Variants in GABRB1 observed in about 807,000 individuals in gnomAD.
GABRB1 encodes the protein gamma-aminobutyric acid type A receptor subunit beta1, also known as gamma-aminobutyric acid receptor subunit beta-1.
Under a neutral mutation model 51.6 loss-of-function variants are expected in GABRB1, and 17 were observed. That is an observed-to-expected ratio of 0.33 (90% CI 0.23 to 0.49). The LOEUF (loss-of-function observed/expected upper bound fraction) is 0.49, where lower values mean the gene tolerates loss of function less well. GABRB1 is among the 20% of genes least tolerant of loss of function. GABRB1 has a pLI of 0.99. For synonymous variants in GABRB1, 247 were observed against 218.9 expected, an observed-to-expected ratio of 1.13 and a Z score of -1.14; for missense variants, 410 against 600.6, an observed-to-expected ratio of 0.68 and a Z score of 3.32.
chr4:47,361,781 C>A (rs1726814866), intron 5 of GABRB1, among the ~76,000 whole-genome samples: 1 of 152,094 alleles, frequency 6.6e-6, no homozygotes, highest in African/African-American at 2.4e-5. Flanking sequence ...AATGGTGCAA[C>A]TTTGTTGATG....
chr4:47,139,725 T>C (rs1219774478), intron 3 of GABRB1, among the ~76,000 whole-genome samples: 1 of 152,038 alleles, frequency 6.6e-6, no homozygotes, highest in South Asian at 2.1e-4. Flanking sequence ...TTCTAAATTC[T>C]CTACTGTAGT....
chr4:47,251,080 G>T (rs1421839594), intron 4 of GABRB1, among the ~76,000 whole-genome samples: 2 of 152,158 alleles, frequency 1.3e-5, no homozygotes, highest in East Asian at 3.9e-4. Context: ...GGTAGGCTGT[G>T]TGAGAGGGAA....
chr4:47,335,823 C>A (rs184577796), intron 5 of GABRB1, among the ~76,000 whole-genome samples: 46 of 152,130 alleles, frequency 3.0e-4, no homozygotes, highest in African/African-American at 1.1e-3. Flanking sequence ...GTTCACATGC[C>A]ACGAAGACCA....
intron 4 of GABRB1, among the ~76,000 whole-genome samples, chr4:47,249,730 G>A (rs1189942074): frequency 6.6e-6 from 1 of 152,052 alleles, no homozygotes; most frequent in Non-Finnish European, 1.5e-5. Context: ...TGTTTTGTCT[G>A]ATACAAGAAT....
chr4:47,370,159 A>C (rs1308761248), intron 5 of GABRB1, among the ~76,000 whole-genome samples: 1 of 152,192 alleles, frequency 6.6e-6, no homozygotes, highest in Non-Finnish European at 1.5e-5. Flanking sequence ...GGCTGTTTAT[A>C]ATTTGGTTTA....
chr4:47,180,661 A>G (rs1486984378), intron 4 of GABRB1, among the ~76,000 whole-genome samples: 1 of 152,060 alleles, frequency 6.6e-6, no homozygotes, highest in Non-Finnish European at 1.5e-5. Context: ...TTCTAAATGT[A>G]GTACTAAGTC....
upstream of GABRB1, among the ~76,000 whole-genome samples, chr4:47,030,535 C>G (rs1453163092): frequency 1.3e-5 from 2 of 152,040 alleles, no homozygotes; most frequent in Non-Finnish European, 2.9e-5. Context: ...GGACAAGAAC[C>G]CTTTTTGAAT....
chr4:47,282,584 G>A (rs189874226), intron 4 of GABRB1, among the ~76,000 whole-genome samples: 230 of 152,078 alleles, frequency 1.5e-3, no homozygotes, highest in Non-Finnish European at 2.4e-3. Context: ...CAGTAATCTA[G>A]TTCAGTATTG....
chr4:47,041,186 G>T (rs558656903), intron 3 of GABRB1, among the ~76,000 whole-genome samples: 1 of 152,186 alleles, frequency 6.6e-6, no homozygotes, highest in African/African-American at 2.4e-5. Flanking sequence ...CTTGAGAAAT[G>T]AAGCTTACCT....
chr4:47,338,727 C>T (rs1388548000), intron 5 of GABRB1, among the ~76,000 whole-genome samples: 1 of 152,196 alleles, frequency 6.6e-6, no homozygotes, highest in Non-Finnish European at 1.5e-5. Flanking sequence ...GATTGCTCAG[C>T]CCGCTTGGTA....
intron 5 of GABRB1, among the ~76,000 whole-genome samples, chr4:47,373,758 T>G (rs183492558): frequency 6.6e-6 from 1 of 152,298 alleles, no homozygotes; most frequent in East Asian, 1.9e-4. Flanking sequence ...AGGCCTGGGC[T>G]CTGACGTCAA....
At chr4:47,389,008 C>A (rs1033587903) in intron 5 of GABRB1, among the ~76,000 whole-genome samples, 1 of 152,166 alleles carries the variant, frequency 6.6e-6, no homozygotes, top group Non-Finnish European at 1.5e-5. Flanking sequence ...AACACACTCA[C>A]CCATCCAAAC....
chr4:47,276,207 A>G (rs904147544), intron 4 of GABRB1, among the ~76,000 whole-genome samples: 2 of 152,168 alleles, frequency 1.3e-5, no homozygotes, highest in African/African-American at 4.8e-5. Flanking sequence ...ATGCTAGCTA[A>G]CGTAACCTCT....
chr4:47,303,265 T>A (rs912517877), intron 4 of GABRB1, among the ~76,000 whole-genome samples: 5 of 151,852 alleles, frequency 3.3e-5, no homozygotes, highest in African/African-American at 1.2e-4. Flanking sequence ...TCTACACAAA[T>A]GGAAATAAAC....
At chr4:47,157,070 T>C (rs1717740615) in intron 3 of GABRB1, among the ~76,000 whole-genome samples, 1 of 152,144 alleles carries the variant, frequency 6.6e-6, no homozygotes, top group Non-Finnish European at 1.5e-5. Flanking sequence ...TCAAATTCTG[T>C]CATGCCTGAA....
intron 3 of GABRB1, among the ~76,000 whole-genome samples, chr4:47,107,882 A>C (rs1421962888): frequency 3.3e-5 from 5 of 152,094 alleles, no homozygotes; most frequent in Non-Finnish European, 7.4e-5. Context: ...AGTATCACTT[A>C]ATCTTGAGAA....
At chr4:47,064,731 A>C (rs1399321474) in intron 3 of GABRB1, among the ~76,000 whole-genome samples, 2 of 151,128 alleles carry the variant, frequency 1.3e-5, no homozygotes, top group African/African-American at 4.9e-5. Flanking sequence ...GTATTTGCTT[A>C]TTTGCTTTAA....
chr4:47,020,011 C>G (rs1242558480), intron 1 of GABRB1, among the ~76,000 whole-genome samples: 1 of 151,706 alleles, frequency 6.6e-6, no homozygotes, highest in Non-Finnish European at 1.5e-5. Flanking sequence ...GTCTCGAACT[C>G]TTGGACTCAA....
intron 4 of GABRB1, among the ~76,000 whole-genome samples, chr4:47,225,409 T>A (rs968545019): frequency 1.3e-5 from 2 of 152,198 alleles, no homozygotes; most frequent in South Asian, 4.1e-4. Flanking sequence ...CACTGTTAGA[T>A]GTTTTTCATG....
Sources: allele counts gnomAD v4.1 joint callset (sites outside exome capture counted in the v4.1 genomes callset), GRCh38; gene constraint gnomAD v4.1.1; transcripts MANE v1.5; gene names NCBI Gene and HGNC (gene_info 2026-07-23, HGNC 2026-07-21).